Variants in GNG2 observed in about 807,000 individuals in gnomAD.
The protein encoded by GNG2 is G protein subunit gamma 2.
GNG2 carries 5 observed loss-of-function variants against 5.5 expected under a neutral mutation model. The ratio of observed to expected loss-of-function variants is 0.91; its 90% CI spans 0.48 to 1.92. GNG2 has a LOEUF of 1.92. GNG2 is among the 30% of genes most tolerant of loss of function. GNG2 has a pLI of 0.01. For synonymous variants in GNG2, 28 were observed against 32.0 expected (o/e 0.88, Z 0.42); for missense variants, 55 against 88.4 (o/e 0.62, Z 1.52).
intron 2 of GNG2, among the ~76,000 whole-genome samples, chr14:51,848,200 C>G (rs1171635751): frequency 6.6e-6 from 1 of 152,110 alleles, no homozygotes; most frequent in Non-Finnish European, 1.5e-5. Context: ...CTTGCCTTTA[C>G]TATTTGTCAT....
chr14:51,925,698 G>A (rs1453115700), intron 2 of GNG2, among the ~76,000 whole-genome samples: 3 of 152,044 alleles, frequency 2.0e-5, no homozygotes, highest in East Asian at 3.8e-4. Flanking sequence ...TGCAACCTCC[G>A]CCTCCCAGGT....
At chr14:51,952,241 C>G (rs1298529779) in intron 3 of GNG2, 2 of 245,908 alleles carry the variant, frequency 8.1e-6, no homozygotes, top group East Asian at 1.7e-4. Context: ...AAATTTGATG[C>G]CTAGTAATGG....
chr14:51,864,750 G>C (rs1480863814), intron 1 of GNG2, among the ~76,000 whole-genome samples: 2 of 152,002 alleles, frequency 1.3e-5, no homozygotes, highest in Non-Finnish European at 2.9e-5. Context: ...ATGCTCAGTA[G>C]GTATCATGGC....
intron 3 of GNG2, among the ~76,000 whole-genome samples, chr14:51,954,172 C>T (rs1407288647): frequency 1.3e-5 from 2 of 152,196 alleles, no homozygotes; most frequent in African/African-American, 4.8e-5. Flanking sequence ...CTTTACATCA[C>T]AGACCCTGGG....
chr14:51,884,455 A>T (rs1884306037), intron 2 of GNG2, among the ~76,000 whole-genome samples: 1 of 152,196 alleles, frequency 6.6e-6, no homozygotes, highest in South Asian at 2.1e-4. Flanking sequence ...TTATTTTACA[A>T]AGGAGGAAGC....
At chr14:51,836,452 A>T (rs10142065) in intron 2 of GNG2, among the ~76,000 whole-genome samples, 75,846 of 151,988 alleles carry the variant, frequency 0.5, 19,537 homozygotes, top group Middle Eastern at 0.57. Flanking sequence ...AAGAATATAT[A>T]TTATGATGTT....
At chr14:51,869,687 T>G (rs1420595360) in intron 1 of GNG2, among the ~76,000 whole-genome samples, 1 of 152,050 alleles carries the variant, frequency 6.6e-6, no homozygotes. Context: ...CTAATTTTTG[T>G]ATTTGAGTAA....
chr14:51,914,760 GTTCT>G (rs1566683555), intron 2 of GNG2, among the ~76,000 whole-genome samples: 2 of 152,186 alleles, frequency 1.3e-5, no homozygotes, highest in African/African-American at 4.8e-5. Context: ...CATTTGAAGA[GTTCT>G]TTATGTTTTT....
chr14:51,857,354 C>T (rs924577787), upstream of GNG2, among the ~76,000 whole-genome samples: 2 of 152,180 alleles, frequency 1.3e-5, no homozygotes, highest in African/African-American at 4.8e-5. Context: ...ACAGTCCCAT[C>T]AGGAACCTGT....
At chr14:51,908,577 G>T (rs568095579) in intron 2 of GNG2, among the ~76,000 whole-genome samples, 8 of 144,428 alleles carry the variant, frequency 5.5e-5, no homozygotes, top group African/African-American at 2.0e-4. Flanking sequence ...TATATAGAGA[G>T]AGAGAGAGAG....
intron 1 of GNG2, chr14:51,874,040 G>C (rs1238555654): frequency 2.6e-5 from 4 of 152,174 alleles, no homozygotes; most frequent in African/African-American, 9.6e-5. Context: ...GAGAAATCCA[G>C]TATGATTCCA....
intron 3 of GNG2, among the ~76,000 whole-genome samples, chr14:51,956,131 A>G (rs1889262218): frequency 6.6e-6 from 1 of 152,136 alleles, no homozygotes; most frequent in Non-Finnish European, 1.5e-5. Context: ...GCCAATTCCA[A>G]CCTCACCCTA....
intron 2 of GNG2, among the ~76,000 whole-genome samples, chr14:51,888,692 C>T (rs943215344): frequency 7.2e-5 from 11 of 152,130 alleles, no homozygotes; most frequent in Admixed American, 5.2e-4. Flanking sequence ...AGGAGTAGTG[C>T]AGTTTACAAG....
At chr14:51,881,701 C>CTTTTT (rs58544362) in intron 2 of GNG2, among the ~76,000 whole-genome samples, 7 of 104,220 alleles carry the variant, frequency 6.7e-5, no homozygotes, top group Non-Finnish European at 1.1e-4. Context: ...AGCTGGAAGA[C>CTTTTT]TTTTTTTTTT....
At chr14:51,909,961 G>A (rs1886195134) in intron 2 of GNG2, among the ~76,000 whole-genome samples, 1 of 152,132 alleles carries the variant, frequency 6.6e-6, no homozygotes, top group African/African-American at 2.4e-5. Context: ...GAGAGACCAG[G>A]ACTCTGAAAG....
chr14:51,956,468 G>A (rs12436573), intron 3 of GNG2, among the ~76,000 whole-genome samples: 1 of 152,060 alleles, frequency 6.6e-6, no homozygotes. Context: ...GTGGGCCAGA[G>A]AATTGCTTGG....
At chr14:51,930,757 G>C (rs1400794623) in intron 2 of GNG2, among the ~76,000 whole-genome samples, 1 of 152,208 alleles carries the variant, frequency 6.6e-6, no homozygotes, top group African/African-American at 2.4e-5. Flanking sequence ...CATGGTGCCA[G>C]TATCTGCTTC....
intron 2 of GNG2, among the ~76,000 whole-genome samples, chr14:51,919,567 G>A (rs1886884631): frequency 6.6e-6 from 1 of 152,142 alleles, no homozygotes. Context: ...GTTTTAGACT[G>A]GTCTTTTTCC....
At chr14:51,934,926 C>T (rs1795845814) in intron 2 of GNG2, among the ~76,000 whole-genome samples, 1 of 151,994 alleles carries the variant, frequency 6.6e-6, no homozygotes, top group African/African-American at 2.4e-5. Context: ...ACTATTCACA[C>T]ACTAATCAGG....
Sources: gnomAD v4.1 joint callset for allele counts (sites outside exome capture counted in the v4.1 genomes callset) on GRCh38, gnomAD v4.1.1 for gene constraint, MANE v1.5 for transcripts, NCBI Gene and HGNC (gene_info 2026-07-23, HGNC 2026-07-21) for gene names.